CPD: variants seen among roughly 807,000 people sequenced by gnomAD.
The protein encoded by CPD is metallocarboxypeptidase D.
A neutral mutation model predicts 138.3 loss-of-function variants in CPD; 69 were observed. That is an observed-to-expected ratio of 0.50 (90% CI 0.41 to 0.61). The LOEUF is 0.61. Among genes scored for constraint, CPD ranks in the 20% least tolerant of loss-of-function variants. The pLI, the probability that CPD is intolerant of heterozygous loss-of-function variation, is 0.00. For synonymous variants in CPD, 651 were observed against 642.1 expected (o/e 1.01, Z -0.21); for missense variants, 1,432 against 1,733.3 (o/e 0.83, Z 3.09).
rs551399656 is a variant in CPD at position 30,400,880 on chromosome 17, T to C, written c.994+15644T>C. Among the ~76,000 whole-genome samples the C allele has an allele frequency of 1.4e-3, 214 of 150,608 alleles. 1 individual carries two copies. The highest frequency in any genetic ancestry group is 7.6e-3 in the South Asian group (36 of 4,736). On this transcript the variant is annotated intron_variant, in intron 2 of 20. Transcript: ENST00000225719. Reference sequence around the variant, plus strand: ...TTTTAGTGGAGATGGGGTTTCACCATGTTAGCCAAGATAGTCTTGATCTCC... The same window carrying C: ...TTTTAGTGGAGATGGGGTTTCACCACGTTAGCCAAGATAGTCTTGATCTCC...
At chr17:30,462,144 A>C in intron 19 of CPD, 82 bp downstream of exon 19, 2 of 1,289,372 alleles carry the variant, frequency 1.6e-6, no homozygotes, top group Non-Finnish European at 1.1e-6. Flanking sequence ...TCTTGTTAGA[A>C]ATCTTGAAGG....
In CPD at chr17:30,422,683, A is replaced by G; in HGVS notation, c.1317A>G (p.Pro439=). ...CAAATTTTTTTTTCAGGTATATGCCATTGACTGTTACTAATGTAGTGGTGA... is the reference window on the plus strand; with the variant it reads ...CAAATTTTTTTTTCAGGTATATGCCGTTGACTGTTACTAATGTAGTGGTGA... ...NLTVVLTGYM[P]LTVTNVVVKE... Residue 439 remains proline (P), a synonymous_variant, in exon 5 of 21, where the codon CCA becomes CCG. Coordinates refer to ENST00000225719, the MANE Select transcript of CPD (RefSeq NM_001304.5). 1 of 1,607,390 alleles carries G rather than the reference A, an allele frequency of 6.2e-7. No homozygotes were observed. The highest frequency in any genetic ancestry group is 8.5e-7 in the Non-Finnish European group (1 of 1,176,906).
At chr17:30,380,033 C>T (rs1245060809) in intron 1 of CPD, among the ~76,000 whole-genome samples, 1 of 152,176 alleles carries the variant, frequency 6.6e-6, no homozygotes, top group Non-Finnish European at 1.5e-5. Context: ...TTAAGGATAA[C>T]CTAGGTCAGC....
chr17:30,385,337 TTAAAAGATA>T, intron 2 of CPD, 101 bp downstream of exon 2: 1 of 1,347,328 alleles, frequency 7.4e-7, no homozygotes, highest in Non-Finnish European at 1.0e-6. Flanking sequence ...AAATCTAACT[TTAAAAGATA>T]TTTATTTTTA....
chr17:30,442,267 G>A, intron 9 of CPD, 41 bp from the exon 10 acceptor site: 1 of 1,595,136 alleles, frequency 6.3e-7, no homozygotes. Flanking sequence ...GAGCTGTTTA[G>A]AACTTCTTCA....
chr17:30,432,297 T>G (rs1912584662), intron 8 of CPD, among the ~76,000 whole-genome samples: 1 of 152,160 alleles, frequency 6.6e-6, no homozygotes, highest in African/African-American at 2.4e-5. Flanking sequence ...TGCTTTCTCC[T>G]TCAACATTTC....
At chr17:30,443,186 T>C (rs1912926787) in intron 10 of CPD, among the ~76,000 whole-genome samples, 1 of 152,168 alleles carries the variant, frequency 6.6e-6, no homozygotes, top group South Asian at 2.1e-4. Context: ...TATTTTTGAC[T>C]GAACTATTGT....
chr17:30,427,311 A>G, intron 6 of CPD, 80 bp from the exon 7 acceptor site: 1 of 1,299,126 alleles, frequency 7.7e-7, no homozygotes, highest in African/African-American at 1.5e-5. Flanking sequence ...GCCTTGAGTT[A>G]AGGTATCTAA....
At chr17:30,442,994 A>G (rs1361110747) in intron 10 of CPD, among the ~76,000 whole-genome samples, 2 of 130,642 alleles carry the variant, frequency 1.5e-5, no homozygotes, top group African/African-American at 3.0e-5. Context: ...GTGGTGTGAC[A>G]TAAAGTCTGT....
intron 14 of CPD, among the ~76,000 whole-genome samples, chr17:30,452,635 A>G (rs774282533): frequency 1.1e-4 from 17 of 148,052 alleles, no homozygotes; most frequent in Admixed American, 6.8e-5. Context: ...AATTTATTCA[A>G]CCATTTTCTA....
intron 9 of CPD, among the ~76,000 whole-genome samples, chr17:30,441,589 A>G (rs1371280726): frequency 5.0e-5 from 5 of 100,180 alleles, no homozygotes; most frequent in South Asian, 4.0e-4. Context: ...CGTCCCATCA[A>G]TACCTAATTT....
At chr17:30,405,364 G>A (rs536699159) in intron 2 of CPD, among the ~76,000 whole-genome samples, 1 of 152,244 alleles carries the variant, frequency 6.6e-6, no homozygotes, top group Admixed American at 6.5e-5. Flanking sequence ...TTTATCTGTA[G>A]CTATCTGCTT....
chr17:30,460,661 GA>G (rs897421531), intron 17 of CPD, among the ~76,000 whole-genome samples: 4 of 152,182 alleles, frequency 2.6e-5, no homozygotes, highest in African/African-American at 9.7e-5. Flanking sequence ...GAGATTTTGG[GA>G]AAAGGTGGTA....
chr17:30,411,622 G>T (rs115975859), intron 2 of CPD, among the ~76,000 whole-genome samples: 1,602 of 151,998 alleles, frequency 0.011, 34 homozygotes, highest in African/African-American at 0.036. Flanking sequence ...CTTCAACCAC[G>T]ATAGCCTTTC....
intron 12 of CPD, among the ~76,000 whole-genome samples, chr17:30,448,305 T>A (rs1284048119): frequency 6.6e-6 from 1 of 151,904 alleles, no homozygotes; most frequent in Non-Finnish European, 1.5e-5. Context: ...CCAGTTTACG[T>A]TGAACTATGA....
intron 1 of CPD, among the ~76,000 whole-genome samples, chr17:30,384,301 G>A (rs779480348): frequency 6.6e-6 from 1 of 152,072 alleles, no homozygotes; most frequent in Admixed American, 6.6e-5. Context: ...AAACTGGAGT[G>A]AAACACAAAA....
chr17:30,388,034 GC>G (rs1190461007), intron 2 of CPD, among the ~76,000 whole-genome samples: 1 of 152,146 alleles, frequency 6.6e-6, no homozygotes, highest in Non-Finnish European at 1.5e-5. Flanking sequence ...GGAGTGGGTG[GC>G]CCCTCTCTAC....
intron 2 of CPD, among the ~76,000 whole-genome samples, chr17:30,385,660 C>T (rs1911166206): frequency 1.3e-5 from 2 of 151,948 alleles, no homozygotes; most frequent in African/African-American, 4.8e-5. Flanking sequence ...ATACTATTAC[C>T]ATAACTGAGA....
At chr17:30,422,406 A>G (rs1912288765) in intron 4 of CPD, among the ~76,000 whole-genome samples, 1 of 152,184 alleles carries the variant, frequency 6.6e-6, no homozygotes, top group East Asian at 1.9e-4. Context: ...ATCTTTCAAC[A>G]TGTTCTTTCC....
Sources: allele counts gnomAD v4.1 joint callset (sites outside exome capture counted in the v4.1 genomes callset), GRCh38; gene constraint gnomAD v4.1.1; transcripts MANE v1.5; gene names NCBI Gene and HGNC (gene_info 2026-07-23, HGNC 2026-07-21).